The following UCK2 variants were observed in gnomAD, a reference collection of about 807,000 sequenced individuals.
UCK2 encodes the protein cytidine monophosphokinase 2.
UCK2 carries 6 observed loss-of-function variants against 30.8 expected under a neutral mutation model. The observed-to-expected ratio is 0.19, with a 90% CI of 0.11 to 0.38. UCK2 has a LOEUF of 0.38. Ranked by LOEUF, UCK2 falls within the 10% of genes least tolerant of loss-of-function variation. The pLI, the probability that UCK2 is intolerant of heterozygous loss-of-function variation, is 1.00. For synonymous variants in UCK2, 125 were observed against 133.6 expected (o/e 0.94, Z 0.45); for missense variants, 210 against 339.8 (o/e 0.62, Z 3.00).
At chr1:165,843,110 C>A (rs893970314) in intron 1 of UCK2, among the ~76,000 whole-genome samples, 6 of 152,164 alleles carry the variant, frequency 3.9e-5, no homozygotes, top group Non-Finnish European at 8.8e-5. Context: ...GACACCACCC[C>A]ATACTGTTCT....
chr1:165,879,113 T>C (rs1655410212), intron 1 of UCK2, among the ~76,000 whole-genome samples: 1 of 152,260 alleles, frequency 6.6e-6, no homozygotes, highest in Non-Finnish European at 1.5e-5. Context: ...ATGTCTTCTT[T>C]GGTGAAGTGT....
chr1:165,835,827 C>T (rs918198229), intron 1 of UCK2, among the ~76,000 whole-genome samples: 5 of 152,154 alleles, frequency 3.3e-5, no homozygotes, highest in Admixed American at 6.5e-5. Flanking sequence ...TTCTATCACA[C>T]GTGACAGAAG....
At chr1:165,875,047 A>G (rs1236424963) in intron 1 of UCK2, among the ~76,000 whole-genome samples, 2 of 152,180 alleles carry the variant, frequency 1.3e-5, no homozygotes, top group African/African-American at 2.4e-5. Flanking sequence ...CCAAAAAAAA[A>G]AAAAAAAAGC....
rs553733431 is a variant in UCK2, at chr1:165,838,681, A to G, written c.99+10749A>G. On this transcript the variant is annotated intron_variant, in intron 1 of 6. Coordinates refer to ENST00000367879, the MANE Select transcript of UCK2 (RefSeq NM_012474.5). ...CCATCACCTGGATAAGATTGCTGGC[A>G]CATTGTCAGTCACTGAGCTTGGTCT... Among the ~76,000 whole-genome samples, 3 of 152,050 alleles carry G rather than the reference A, an allele frequency of 2.0e-5. No homozygotes were observed. In the South Asian group the frequency reaches 6.3e-4, roughly 32 times the overall value.
chr1:165,830,343 G>A, intron 1 of UCK2, among the ~76,000 whole-genome samples: 1 of 124,570 alleles, frequency 8.0e-6, no homozygotes, highest in Non-Finnish European at 1.6e-5. Context: ...TTTTTTTTTT[G>A]AGACAGAGTC....
At chr1:165,876,187 TTGGGCATTTCTA>T (rs1655329992) in intron 1 of UCK2, among the ~76,000 whole-genome samples, 2 of 152,216 alleles carry the variant, frequency 1.3e-5, no homozygotes, top group African/African-American at 4.8e-5. Flanking sequence ...CAGAAGTTTA[TTGGGCATTTCTA>T]TGGAAACACA....
At chr1:165,872,442 G>C (rs933055700) in intron 1 of UCK2, among the ~76,000 whole-genome samples, 1 of 152,096 alleles carries the variant, frequency 6.6e-6, no homozygotes, top group Admixed American at 6.6e-5. Context: ...CAGACCAAAG[G>C]TTAAATATCA....
chr1:165,883,394 G>A (rs1247731606), intron 1 of UCK2, among the ~76,000 whole-genome samples: 1 of 152,160 alleles, frequency 6.6e-6, no homozygotes, highest in East Asian at 1.9e-4. Flanking sequence ...GAGCTAAGAT[G>A]TTACGACTTC....
chr1:165,851,704 G>C (rs1654601196), intron 1 of UCK2, among the ~76,000 whole-genome samples: 1 of 152,032 alleles, frequency 6.6e-6, no homozygotes, highest in African/African-American at 2.4e-5. Flanking sequence ...GTGCCATGGT[G>C]GTTTGCTGCA....
chr1:165,904,764 G>A (rs924685755), intron 5 of UCK2, among the ~76,000 whole-genome samples: 62 of 152,198 alleles, frequency 4.1e-4, no homozygotes, highest in African/African-American at 1.4e-3. Flanking sequence ...GCTGCACAGA[G>A]TAAGATGCCC....
intron 1 of UCK2, among the ~76,000 whole-genome samples, chr1:165,867,798 C>T (rs749737448): frequency 2.2e-4 from 34 of 152,218 alleles, no homozygotes; most frequent in Non-Finnish European, 4.6e-4. Flanking sequence ...GGCTTGGAAT[C>T]TACTTCTTCC....
At chr1:165,859,003 C>A (rs540202260) in intron 1 of UCK2, among the ~76,000 whole-genome samples, 1 of 152,282 alleles carries the variant, frequency 6.6e-6, no homozygotes, top group African/African-American at 2.4e-5. Flanking sequence ...CTGGATAAAT[C>A]TTCTGCTGGG....
chr1:165,895,409 C>T (rs1024918632), intron 3 of UCK2: 4 of 922,902 alleles, frequency 4.3e-6, no homozygotes, highest in African/African-American at 3.6e-5. Context: ...CAAAGTGAGA[C>T]CCTGTCTCCA....
intron 1 of UCK2, among the ~76,000 whole-genome samples, chr1:165,857,393 A>G (rs1654774134): frequency 6.6e-6 from 1 of 152,218 alleles, no homozygotes; most frequent in East Asian, 1.9e-4. Context: ...GTAAGGCAGT[A>G]GACAGATAAC....
At chr1:165,895,130 T>C (rs1310457296) in intron 3 of UCK2, among the ~76,000 whole-genome samples, 4 of 152,192 alleles carry the variant, frequency 2.6e-5, no homozygotes, top group Non-Finnish European at 4.4e-5. Flanking sequence ...AAAAGTCATG[T>C]TGGTTGAGCT....
chr1:165,884,289 A>G (rs2101878179), intron 1 of UCK2, among the ~76,000 whole-genome samples: 1 of 152,342 alleles, frequency 6.6e-6, no homozygotes, highest in South Asian at 2.1e-4. Context: ...GTGTGCCTCA[A>G]CCTGGAGCCG....
chr1:165,865,099 G>C (rs1308733758), intron 1 of UCK2, among the ~76,000 whole-genome samples: 1 of 152,156 alleles, frequency 6.6e-6, no homozygotes, highest in East Asian at 1.9e-4. Flanking sequence ...TTTGGTAGCT[G>C]TACACATCAC....
rs140656249 is a variant in UCK2, at chr1:165,879,415, G to A, written c.100-10789G>A. On this transcript the variant is annotated intron_variant, in intron 1 of 6. Coordinates refer to ENST00000367879, the MANE Select transcript of UCK2 (RefSeq NM_012474.5). ...GTCCTTCCTCCACTGAATTGCATTTGCATCTTTGTCATATCAGTTATTCAT... is the reference window on the plus strand; with the variant it reads ...GTCCTTCCTCCACTGAATTGCATTTACATCTTTGTCATATCAGTTATTCAT... 2.5e-4 allele frequency among the ~76,000 whole-genome samples: 38 copies of A among 152,220 alleles called. 2 individuals are homozygous for A. The highest frequency in any genetic ancestry group is 8.2e-4 in the African/African-American group (34 of 41,528).
chr1:165,905,363 A>G (rs1647618656), intron 5 of UCK2, among the ~76,000 whole-genome samples: 2 of 152,156 alleles, frequency 1.3e-5, no homozygotes, highest in Non-Finnish European at 2.9e-5. Flanking sequence ...GGGTGCCTGT[A>G]GTCCCAGCTA....
Sources: allele counts gnomAD v4.1 joint callset (sites outside exome capture counted in the v4.1 genomes callset), GRCh38; gene constraint gnomAD v4.1.1; transcripts MANE v1.5; gene names NCBI Gene and HGNC (gene_info 2026-07-23, HGNC 2026-07-21).